CFAP61: variants seen among roughly 807,000 people sequenced by gnomAD.
CFAP61 encodes cilia and flagella associated protein 61.
In CFAP61, 107 loss-of-function variants were observed where a neutral mutation model predicts 135.6. The observed-to-expected ratio is 0.79, with a 90% CI of 0.67 to 0.93. The LOEUF (loss-of-function observed/expected upper bound fraction) is 0.93, where lower values mean the gene tolerates loss of function less well. Among genes scored for constraint, CFAP61 ranks in the 40% least tolerant of loss-of-function variants. CFAP61 has a pLI of 0.00. For missense variants in CFAP61, 1,507 were observed against 1,556.2 expected (o/e 0.97, Z 0.53); for synonymous variants, 575 against 578.5 (o/e 0.99, Z 0.09).
chr20:20,276,494 T>C (rs1281915944), intron 21 of CFAP61, among the ~76,000 whole-genome samples: 1 of 152,222 alleles, frequency 6.6e-6, no homozygotes, highest in Admixed American at 6.5e-5. Flanking sequence ...GAAATGTAAA[T>C]AGTATAGACT....
At chr20:20,348,797 T>TAAAAAA (rs36120926) in intron 26 of CFAP61, among the ~76,000 whole-genome samples, 1 of 127,172 alleles carries the variant, frequency 7.9e-6, no homozygotes, top group African/African-American at 3.1e-5. Flanking sequence ...GTAAAAACAC[T>TAAAAAA]AAAAAAAAAA....
intron 20 of CFAP61, chr20:20,258,259 T>A (rs1205272260): frequency 6.6e-6 from 1 of 152,196 alleles, no homozygotes; most frequent in Non-Finnish European, 1.5e-5. Flanking sequence ...AGCAATAATA[T>A]TAGTGCCCAA....
At position 20,263,123 on chromosome 20, in the gene CFAP61, C is replaced by T. The variant is rs1288853820; in HGVS notation, c.2496C>T (p.Thr832=). The T allele has an allele frequency of 6.2e-7, 1 of 1,611,574 alleles. No homozygotes were observed. The highest frequency in any genetic ancestry group is 2.2e-5 in the East Asian group (1 of 44,828). The part of the protein sequence containing the change: ...ALIWIRNNSI[T]TEGNIIVYGN... ...TTTGGATAAGGAATAACTCCATCAC[C>T]ACAGAAGGTAAGGATGTCGGTAACT... The change falls in exon 21 of 27, where the codon ACC becomes ACT. Residue 832 remains threonine, a synonymous_variant. Coordinates refer to ENST00000245957, the MANE Select transcript of CFAP61 (RefSeq NM_015585.4).
At chr20:20,185,276 C>T (rs929587827) in intron 13 of CFAP61, among the ~76,000 whole-genome samples, 22 of 152,194 alleles carry the variant, frequency 1.4e-4, no homozygotes, top group African/African-American at 5.3e-4. Flanking sequence ...TGTGATCTGA[C>T]TTAACATTTG....
intron 26 of CFAP61, among the ~76,000 whole-genome samples, chr20:20,347,374 G>C (rs974579149): frequency 1.3e-5 from 2 of 151,984 alleles, no homozygotes; most frequent in African/African-American, 2.4e-5. Flanking sequence ...AAATAATAAG[G>C]ATTAGAACAA....
chr20:20,070,728 T>C, intron 2 of CFAP61, 126 bp from the exon 3 acceptor site: 1 of 783,862 alleles, frequency 1.3e-6, no homozygotes, highest in Non-Finnish European at 2.0e-6. Flanking sequence ...TTCTCACCTT[T>C]TCCAAAGATT....
intron 25 of CFAP61, 42 bp from the exon 26 acceptor site, chr20:20,341,789 G>A: frequency 1.4e-6 from 2 of 1,410,764 alleles, no homozygotes; most frequent in Non-Finnish European, 2.0e-6. Context: ...TAGTGGTAAT[G>A]AGAGGGTTGC....
chr20:20,206,064 G>T (rs746312360), intron 17 of CFAP61, among the ~76,000 whole-genome samples: 3 of 152,152 alleles, frequency 2.0e-5, no homozygotes, highest in Non-Finnish European at 4.4e-5. Context: ...TGTGGAAATT[G>T]TTGAGTAACT....
In CFAP61 at chr20:20,244,255, C is replaced by T. The variant is rs147563466; in HGVS notation, c.2061-1862C>T. Among the ~76,000 whole-genome samples the T allele has an allele frequency of 9.2e-3, 1,407 of 152,270 alleles. 7 individuals are homozygous for T. The highest frequency in any genetic ancestry group is 0.013 in the Non-Finnish European group (910 of 68,008). ...TGCCCCAGTAGGGACTCTGTGTGGG[C>T]GCCCTGACTCCACATTTCCCTTCCA... On this transcript the variant is annotated intron_variant, in intron 18 of 26. Transcript: ENST00000245957.
chr20:20,277,064 A>G (rs1183573944), intron 21 of CFAP61, 102 bp from the exon 22 acceptor site: 2 of 927,024 alleles, frequency 2.2e-6, no homozygotes, highest in African/African-American at 3.3e-5. Context: ...CTGCAGCTGA[A>G]AAATGAGAGG....
chr20:20,274,162 C>T (rs2147036048), intron 21 of CFAP61, among the ~76,000 whole-genome samples: 1 of 152,208 alleles, frequency 6.6e-6, no homozygotes, highest in Non-Finnish European at 1.5e-5. Context: ...GTTCTAAATG[C>T]TATTGTTATC....
intron 2 of CFAP61, among the ~76,000 whole-genome samples, chr20:20,065,149 C>G (rs1321564260): frequency 6.6e-6 from 1 of 152,094 alleles, no homozygotes; most frequent in Non-Finnish European, 1.5e-5. Context: ...TAGTAGAAAA[C>G]TTGTAAAAAT....
At chr20:20,252,857 T>C (rs1253082207) in intron 20 of CFAP61, among the ~76,000 whole-genome samples, 3 of 152,234 alleles carry the variant, frequency 2.0e-5, no homozygotes, top group Non-Finnish European at 4.4e-5. Flanking sequence ...TGGCCGCACA[T>C]TGAGATGACC....
intron 13 of CFAP61, among the ~76,000 whole-genome samples, chr20:20,179,738 A>G (rs1299148515): frequency 6.6e-6 from 1 of 152,210 alleles, no homozygotes; most frequent in Non-Finnish European, 1.5e-5. Flanking sequence ...TACACCTACA[A>G]CTATCTAATC....
intron 25 of CFAP61, among the ~76,000 whole-genome samples, chr20:20,302,671 A>G (rs1486453404): frequency 2.0e-5 from 3 of 151,446 alleles, no homozygotes; most frequent in Admixed American, 6.5e-5. Context: ...CAAAAATAAA[A>G]ATAAAAAGTT....
At chr20:20,181,762 CTA>C (rs1186707724) in intron 13 of CFAP61, among the ~76,000 whole-genome samples, 1 of 152,196 alleles carries the variant, frequency 6.6e-6, no homozygotes, top group Non-Finnish European at 1.5e-5. Flanking sequence ...AGCTTTAGAA[CTA>C]TGCTTGCACC....
At chr20:20,258,318 T>C (rs150409235) in intron 20 of CFAP61, 85 of 152,224 alleles carry the variant, frequency 5.6e-4, no homozygotes, top group African/African-American at 1.9e-3. Context: ...AAGGGTAAAA[T>C]CCATGATGAG....
chr20:20,181,433 CT>C (rs2055093702), intron 13 of CFAP61, among the ~76,000 whole-genome samples: 3 of 151,806 alleles, frequency 2.0e-5, no homozygotes, highest in African/African-American at 7.3e-5. Flanking sequence ...AACCCTGATC[CT>C]TGAGGTCAAA....
At chr20:20,069,106 A>T (rs1362672784) in intron 2 of CFAP61, among the ~76,000 whole-genome samples, 1 of 152,148 alleles carries the variant, frequency 6.6e-6, no homozygotes, top group Non-Finnish European at 1.5e-5. Flanking sequence ...TATATTTCCT[A>T]TTAAAATTTT....
Sources: gnomAD v4.1 joint callset for allele counts (sites outside exome capture counted in the v4.1 genomes callset) on GRCh38, gnomAD v4.1.1 for gene constraint, MANE v1.5 for transcripts, NCBI Gene and HGNC (gene_info 2026-07-23, HGNC 2026-07-21) for gene names.